The following CREB5 variants were observed in gnomAD, a reference collection of about 807,000 sequenced individuals.
CREB5 encodes cyclic AMP-responsive element-binding protein 5.
Under a neutral mutation model 57.1 loss-of-function variants are expected in CREB5, and 19 were observed. The ratio of observed to expected loss-of-function variants is 0.33; its 90% CI spans 0.23 to 0.49. CREB5 has a LOEUF of 0.49. Ranked by LOEUF, CREB5 falls within the 20% of genes least tolerant of loss-of-function variation. CREB5 has a pLI of 0.99. For missense variants in CREB5, 579 were observed against 671.6 expected (o/e 0.86, Z 1.52); for synonymous variants, 238 against 238.3 (o/e 1.00, Z 0.01).
At chr7:28,696,360 A>G (rs1801560366) in intron 5 of CREB5, among the ~76,000 whole-genome samples, 1 of 152,232 alleles carries the variant, frequency 6.6e-6, no homozygotes, top group Non-Finnish European at 1.5e-5. Flanking sequence ...AAGCATAGGA[A>G]GATGGATATG....
intron 4 of CREB5, among the ~76,000 whole-genome samples, chr7:28,560,805 T>TGCGTGTGTGTGTGTGCGTGCGC (rs1299212365): frequency 2.0e-3 from 111 of 54,806 alleles, no homozygotes; most frequent in African/African-American, 5.2e-3. Context: ...ACAGTGTGTG[T>TGCGTGTGTGTGTGTGCGTGCGC]GCGCGTGTGT....
intron 3 of CREB5, among the ~76,000 whole-genome samples, chr7:28,500,088 G>A (rs1301568093): frequency 1.3e-5 from 2 of 152,194 alleles, no homozygotes; most frequent in African/African-American, 4.8e-5. Flanking sequence ...AGTGTTAATT[G>A]CTGCGTTGAA....
chr7:28,794,201 C>G (rs1159610305), intron 7 of CREB5, among the ~76,000 whole-genome samples: 1 of 152,142 alleles, frequency 6.6e-6, no homozygotes, highest in Non-Finnish European at 1.5e-5. Flanking sequence ...TCCAATAGAA[C>G]TTTCTTCTTC....
chr7:28,340,816 T>C (rs1785921992), intron 1 of CREB5, among the ~76,000 whole-genome samples: 1 of 152,156 alleles, frequency 6.6e-6, no homozygotes, highest in African/African-American at 2.4e-5. Flanking sequence ...TTCTGACCAC[T>C]GGGATGGGTG....
chr7:28,643,120 G>T (rs1342389386), intron 5 of CREB5, among the ~76,000 whole-genome samples: 1 of 151,904 alleles, frequency 6.6e-6, no homozygotes, highest in African/African-American at 2.4e-5. Flanking sequence ...GGGTCCTGAG[G>T]GTTTGCAGTG....
intron 1 of CREB5, among the ~76,000 whole-genome samples, chr7:28,320,160 A>G (rs933663834): frequency 2.6e-5 from 4 of 151,942 alleles, no homozygotes; most frequent in Non-Finnish European, 4.4e-5. Flanking sequence ...CGAACACCTG[A>G]CCTCAAGTGG....
At chr7:28,705,181 G>C (rs1312179501) in intron 5 of CREB5, among the ~76,000 whole-genome samples, 1 of 152,016 alleles carries the variant, frequency 6.6e-6, no homozygotes, top group African/African-American at 2.4e-5. Flanking sequence ...TGGCCAACAT[G>C]GTGAAACCTC....
intron 5 of CREB5, among the ~76,000 whole-genome samples, chr7:28,605,016 A>T (rs899997300): frequency 9.2e-5 from 14 of 152,120 alleles, no homozygotes; most frequent in Non-Finnish European, 1.5e-4. Flanking sequence ...AGGGCGTAGG[A>T]TACAGAAAAA....
At chr7:28,384,720 T>C (rs960731994) in intron 1 of CREB5, among the ~76,000 whole-genome samples, 2 of 152,092 alleles carry the variant, frequency 1.3e-5, no homozygotes, top group Non-Finnish European at 2.9e-5. Context: ...ACTGATAGCA[T>C]ATTTGGTGCA....
At chr7:28,402,454 T>C (rs1474860609) in intron 1 of CREB5, among the ~76,000 whole-genome samples, 1 of 152,172 alleles carries the variant, frequency 6.6e-6, no homozygotes, top group Non-Finnish European at 1.5e-5. Flanking sequence ...CAAAACAGCA[T>C]GGTACTGGTG....
intron 1 of CREB5, chr7:28,435,758 C>A: frequency 1.3e-6 from 1 of 774,204 alleles, no homozygotes; most frequent in Non-Finnish European, 1.6e-6. Flanking sequence ...TTACATTTGG[C>A]TGGAAGAAGA....
intron 5 of CREB5, among the ~76,000 whole-genome samples, chr7:28,590,705 AAT>A (rs1796477055): frequency 1.4e-5 from 2 of 144,026 alleles, no homozygotes; most frequent in Non-Finnish European, 3.1e-5. Flanking sequence ...TAATAATAAT[AAT>A]AAAAACCCAA....
At chr7:28,321,186 C>T (rs1312204569) in intron 1 of CREB5, among the ~76,000 whole-genome samples, 1 of 152,174 alleles carries the variant, frequency 6.6e-6, no homozygotes, top group Non-Finnish European at 1.5e-5. Context: ...GTATTAGCTT[C>T]CTAATGCAAG....
intron 5 of CREB5, among the ~76,000 whole-genome samples, chr7:28,648,219 A>G (rs1330094211): frequency 6.6e-6 from 1 of 152,156 alleles, no homozygotes. Flanking sequence ...TGATAACTGG[A>G]TCATAAAGAA....
At chr7:28,676,151 A>C (rs138721265) in intron 5 of CREB5, among the ~76,000 whole-genome samples, 1 of 152,288 alleles carries the variant, frequency 6.6e-6, no homozygotes, top group African/African-American at 2.4e-5. Flanking sequence ...TACATGACCA[A>C]AGAACTAGTT....
chr7:28,375,620 C>A (rs1409291727), intron 1 of CREB5, among the ~76,000 whole-genome samples: 1 of 151,380 alleles, frequency 6.6e-6, no homozygotes, highest in Non-Finnish European at 1.5e-5. Flanking sequence ...AAACAGATTT[C>A]TTCAGGGCAT....
At chr7:28,348,386 T>A (rs1332636327) in intron 1 of CREB5, among the ~76,000 whole-genome samples, 4 of 123,554 alleles carry the variant, frequency 3.2e-5, no homozygotes, top group African/African-American at 1.2e-4. Flanking sequence ...TCTCTCTGTC[T>A]CTCTCTCTCT....
chr7:28,506,977 T>C (rs1182246209), intron 3 of CREB5, among the ~76,000 whole-genome samples: 9 of 152,222 alleles, frequency 5.9e-5, no homozygotes, highest in Non-Finnish European at 1.0e-4. Flanking sequence ...GAACATTCTT[T>C]TTTTGGCTAT....
chr7:28,432,249 G>T (rs980462385), intron 1 of CREB5, among the ~76,000 whole-genome samples: 2 of 152,180 alleles, frequency 1.3e-5, no homozygotes, highest in African/African-American at 2.4e-5. Context: ...GGATCATAGG[G>T]ATTCCTAGTA....
Sources: allele counts gnomAD v4.1 joint callset (sites outside exome capture counted in the v4.1 genomes callset), GRCh38; gene constraint gnomAD v4.1.1; transcripts MANE v1.5; gene names NCBI Gene and HGNC (gene_info 2026-07-23, HGNC 2026-07-21).